Variants in ERBB4 observed in about 807,000 individuals in gnomAD.
ERBB4 encodes erb-b2 receptor tyrosine kinase 4, also known as receptor tyrosine-protein kinase erbB-4.
In ERBB4, 42 loss-of-function variants were observed where a neutral mutation model predicts 158.0. That is an observed-to-expected ratio of 0.27 (90% CI 0.21 to 0.34). The LOEUF is 0.34. Among genes scored for constraint, ERBB4 ranks in the 10% least tolerant of loss-of-function variants. The pLI, the probability that ERBB4 is intolerant of heterozygous loss-of-function variation, is 1.00. For synonymous variants in ERBB4, 583 were observed against 558.7 expected (o/e 1.04, Z -0.61); for missense variants, 1,333 against 1,624.1 (o/e 0.82, Z 3.08).
intron 19 of ERBB4, among the ~76,000 whole-genome samples, chr2:211,611,987 G>T (rs2069218198): frequency 6.6e-6 from 1 of 152,024 alleles, no homozygotes; most frequent in African/African-American, 2.4e-5. Flanking sequence ...GTTTTCAGAG[G>T]GTACATGAAT....
chr2:212,186,738 GTTTGT>G (rs1285880921), intron 1 of ERBB4, among the ~76,000 whole-genome samples: 2 of 152,034 alleles, frequency 1.3e-5, no homozygotes, highest in African/African-American at 4.8e-5. Flanking sequence ...CCAAAGAGAG[GTTTGT>G]TTTATTTTTT....
intron 1 of ERBB4, among the ~76,000 whole-genome samples, chr2:212,504,201 G>T (rs766960083): frequency 3.7e-4 from 57 of 152,212 alleles, no homozygotes; most frequent in African/African-American, 1.3e-3. Flanking sequence ...ATATCAGAAG[G>T]TGGTATACAT....
At chr2:212,326,843 G>GTAT (rs1277004218) in intron 1 of ERBB4, among the ~76,000 whole-genome samples, 1 of 151,012 alleles carries the variant, frequency 6.6e-6, no homozygotes, top group East Asian at 1.9e-4. Context: ...ATGTGCACAT[G>GTAT]TATGTGTATG....
intron 1 of ERBB4, among the ~76,000 whole-genome samples, chr2:212,144,839 A>G (rs1301538379): frequency 6.6e-6 from 1 of 152,242 alleles, no homozygotes; most frequent in East Asian, 1.9e-4. Context: ...CCAGCTGAGT[A>G]GACAGTATAA....
intron 20 of ERBB4, among the ~76,000 whole-genome samples, chr2:211,474,208 A>C (rs1353714177): frequency 6.6e-6 from 1 of 152,100 alleles, no homozygotes; most frequent in East Asian, 1.9e-4. Flanking sequence ...TTATTATATA[A>C]GTAATAAATA....
At chr2:211,892,872 C>T (rs1397071194) in intron 3 of ERBB4, among the ~76,000 whole-genome samples, 1 of 142,504 alleles carries the variant, frequency 7.0e-6, no homozygotes, top group East Asian at 2.0e-4. Context: ...AGGACCTCTT[C>T]AAGGAGAACT....
chr2:212,144,233 T>C (rs928044452), intron 1 of ERBB4, among the ~76,000 whole-genome samples: 1 of 152,134 alleles, frequency 6.6e-6, no homozygotes, highest in Admixed American at 6.6e-5. Flanking sequence ...TTAATACACG[T>C]ATGACCCTCT....
intron 2 of ERBB4, among the ~76,000 whole-genome samples, chr2:212,092,274 A>G (rs1325858714): frequency 6.6e-6 from 1 of 152,206 alleles, no homozygotes; most frequent in African/African-American, 2.4e-5. Flanking sequence ...ACATAAAATG[A>G]GTCTCATTTA....
intron 1 of ERBB4, among the ~76,000 whole-genome samples, chr2:212,412,433 CCTT>C (rs1031513827): frequency 6.6e-6 from 1 of 152,162 alleles, no homozygotes; most frequent in Non-Finnish European, 1.5e-5. Context: ...CCCCACGACT[CCTT>C]CTCTTTTGCT....
At chr2:212,114,695 C>A (rs999091621) in intron 2 of ERBB4, among the ~76,000 whole-genome samples, 2 of 152,160 alleles carry the variant, frequency 1.3e-5, no homozygotes, top group Non-Finnish European at 1.5e-5. Context: ...GTTGAAACAA[C>A]CCTCACAAAC....
rs1484044652 is a variant in ERBB4 at position 212,440,467 on chromosome 2, C to T, written c.82+97982G>A. Among the ~76,000 whole-genome samples, 3 of 152,208 alleles carry T rather than the reference C, an allele frequency of 2.0e-5. No individual in the cohort carries two copies. The East Asian group carries it at 5.8e-4, about 29-fold the overall frequency. On this transcript the variant is annotated intron_variant, in intron 1 of 27. Transcript: ENST00000342788. ...TCTTGCAGGCAGCCTGTTGTGGGAC[C>T]TTGTGATTGTGTAAGTTAATACTTA...
At chr2:212,322,799 A>G (rs1193770734) in intron 1 of ERBB4, among the ~76,000 whole-genome samples, 2 of 150,514 alleles carry the variant, frequency 1.3e-5, no homozygotes, top group Non-Finnish European at 3.0e-5. Context: ...TGAATAGTGG[A>G]TCATTATTGA....
chr2:212,142,746 A>G (rs1352420504), intron 1 of ERBB4, among the ~76,000 whole-genome samples: 1 of 151,774 alleles, frequency 6.6e-6, no homozygotes, highest in African/African-American at 2.4e-5. Flanking sequence ...CTATGTTCAC[A>G]TGGCACAGTG....
chr2:212,140,900 TTTAAG>T (rs989028609), intron 1 of ERBB4, among the ~76,000 whole-genome samples: 2 of 148,626 alleles, frequency 1.3e-5, no homozygotes, highest in African/African-American at 2.5e-5. Flanking sequence ...GAGGGGAGTA[TTTAAG>T]TTAATACCAT....
chr2:212,263,933 T>A (rs1339135335), intron 1 of ERBB4, among the ~76,000 whole-genome samples: 2 of 152,126 alleles, frequency 1.3e-5, no homozygotes, highest in African/African-American at 4.8e-5. Context: ...TGTTAGACCC[T>A]TTGTAATATC....
intron 1 of ERBB4, among the ~76,000 whole-genome samples, chr2:212,364,615 C>T (rs1208832774): frequency 6.6e-6 from 1 of 151,764 alleles, no homozygotes; most frequent in African/African-American, 2.4e-5. Context: ...GCAAATTATA[C>T]CTTTGCTATT....
At chr2:211,463,424 T>A (rs2064588585) in intron 20 of ERBB4, among the ~76,000 whole-genome samples, 2 of 152,190 alleles carry the variant, frequency 1.3e-5, no homozygotes. Context: ...ATTTTGAAGG[T>A]GCTAGATCAG....
At chr2:212,405,866 A>C (rs74911002) in intron 1 of ERBB4, among the ~76,000 whole-genome samples, 13,444 of 152,124 alleles carry the variant, frequency 0.088, 656 homozygotes, top group South Asian at 0.13. Context: ...TTTGAATACA[A>C]CACTGATGTA....
chr2:212,259,830 G>A (rs1424125742), intron 1 of ERBB4, among the ~76,000 whole-genome samples: 2 of 152,154 alleles, frequency 1.3e-5, no homozygotes, highest in Non-Finnish European at 2.9e-5. Context: ...AGCACTTTGG[G>A]AGACCAAGGC....
Sources: gnomAD v4.1 joint callset for allele counts (sites outside exome capture counted in the v4.1 genomes callset) on GRCh38, gnomAD v4.1.1 for gene constraint, MANE v1.5 for transcripts, NCBI Gene and HGNC (gene_info 2026-07-23, HGNC 2026-07-21) for gene names.